Variants in MEGF11 observed in about 807,000 individuals in gnomAD.
The protein encoded by MEGF11 is multiple epidermal growth factor-like domains protein 11.
A neutral mutation model predicts 146.6 loss-of-function variants in MEGF11; 126 were observed. That is an observed-to-expected ratio of 0.86 (90% CI 0.74 to 1.00). MEGF11 has a LOEUF of 1.00. MEGF11 is among the 50% of genes least tolerant of loss of function. The probability of loss-of-function intolerance (pLI) is 0.00; values close to 1 mark genes in which losing one functional copy is unlikely to be tolerated. For missense variants in MEGF11, 1,509 were observed against 1,521.2 expected (o/e 0.99, Z 0.13); for synonymous variants, 532 against 583.4 (o/e 0.91, Z 1.27).
rs558938043 is a variant in MEGF11, at chr15:66,221,083, C to A, written c.-9+32522G>T. Among the ~76,000 whole-genome samples, 83 of 152,142 alleles carry A rather than the reference C, an allele frequency of 5.5e-4. 4 individuals are homozygous for A. In the South Asian group the frequency reaches 0.017, roughly 30 times the overall value. On this transcript the variant is annotated intron_variant, in intron 1 of 25. Coordinates refer to ENST00000395614, the MANE Select transcript of MEGF11 (RefSeq NM_001385028.1). Reference sequence around the variant, plus strand: ...CAAGAACTCTCTACTATTTTTGCAACTTCTATGTGAGTCTAAAATGATTTC... The same window carrying A: ...CAAGAACTCTCTACTATTTTTGCAAATTCTATGTGAGTCTAAAATGATTTC...
chr15:65,999,091 C>G (rs2082283260), intron 5 of MEGF11, among the ~76,000 whole-genome samples: 1 of 151,104 alleles, frequency 6.6e-6, no homozygotes, highest in Non-Finnish European at 1.5e-5. Context: ...GTTGCCTAGG[C>G]TGGCACACAG....
At chr15:65,929,210 G>A (rs2079483936) in intron 12 of MEGF11, among the ~76,000 whole-genome samples, 1 of 152,186 alleles carries the variant, frequency 6.6e-6, no homozygotes, top group Admixed American at 6.5e-5. Context: ...ATATCAGTGG[G>A]TTTAACTTAT....
chr15:66,126,240 C>A (rs2088337414), intron 2 of MEGF11, among the ~76,000 whole-genome samples: 2 of 152,198 alleles, frequency 1.3e-5, no homozygotes, highest in South Asian at 4.1e-4. Context: ...CAGGCTAGAT[C>A]CCTCCACATA....
chr15:66,012,437 G>T (rs918092720), intron 5 of MEGF11, among the ~76,000 whole-genome samples: 12 of 152,302 alleles, frequency 7.9e-5, no homozygotes, highest in African/African-American at 2.4e-4. Flanking sequence ...AGACCCCAAA[G>T]CTAGAGCCAA....
intron 4 of MEGF11, among the ~76,000 whole-genome samples, chr15:66,097,596 C>T (rs2086607772): frequency 6.6e-6 from 1 of 152,124 alleles, no homozygotes; most frequent in African/African-American, 2.4e-5. Flanking sequence ...GCTGGTTGGG[C>T]TCTGACAGCA....
intron 1 of MEGF11, among the ~76,000 whole-genome samples, chr15:66,192,536 C>G (rs900823423): frequency 1.5e-5 from 2 of 132,042 alleles, no homozygotes; most frequent in African/African-American, 5.3e-5. Flanking sequence ...AAAATAAAAT[C>G]ATCATAATGA....
intron 24 of MEGF11, among the ~76,000 whole-genome samples, chr15:65,902,817 G>A (rs1455667261): frequency 6.6e-6 from 1 of 152,130 alleles, no homozygotes; most frequent in African/African-American, 2.4e-5. Flanking sequence ...AGACAGAGGG[G>A]GCTTCTGAGA....
chr15:66,226,223 A>G (rs1246008930), intron 1 of MEGF11, among the ~76,000 whole-genome samples: 4 of 150,754 alleles, frequency 2.7e-5, no homozygotes, highest in African/African-American at 7.3e-5. Flanking sequence ...GTGGTATCTC[A>G]GTGCTTGTGT....
In MEGF11 at chr15:65,935,322, G is replaced by GAAAAAAAA. The variant is rs71139449; in HGVS notation, c.1288-4387_1288-4380dup. ...GTGACAGAGCGAGACTCCGTCTCAA[G>GAAAAAAAA]AAAAAAAAAAAAAAAAAAAAAAAAA... On this transcript the variant is annotated intron_variant, in intron 10 of 25. Transcript: ENST00000395614. Among the ~76,000 whole-genome samples, 18 of 35,206 alleles carry GAAAAAAAA rather than the reference G, an allele frequency of 5.1e-4. 2 individuals are homozygous for GAAAAAAAA. Among genetic ancestry groups the GAAAAAAAA allele is most frequent in the Admixed American group, 7.8e-4 (2 of 2,556 alleles). The allele number at this position is 35,206 out of a possible 152,430, so 23.1% of individuals were successfully genotyped here. A position where few individuals can be genotyped will look rare whatever the true frequency, so the allele number is the denominator to read the frequency against.
At chr15:66,115,356 C>G (rs967636261) in intron 4 of MEGF11, among the ~76,000 whole-genome samples, 6 of 152,210 alleles carry the variant, frequency 3.9e-5, no homozygotes, top group Non-Finnish European at 8.8e-5. Flanking sequence ...TCATTCTTCA[C>G]CCTCTCACTA....
chr15:66,093,890 G>A (rs1405473246), intron 5 of MEGF11, among the ~76,000 whole-genome samples: 3 of 152,154 alleles, frequency 2.0e-5, no homozygotes, highest in Non-Finnish European at 4.4e-5. Context: ...CCACAAAAAT[G>A]TAGGAACACA....
chr15:66,046,405 G>A (rs1342836508), intron 5 of MEGF11, among the ~76,000 whole-genome samples: 1 of 152,186 alleles, frequency 6.6e-6, no homozygotes, highest in Non-Finnish European at 1.5e-5. Flanking sequence ...TAGGTACCCA[G>A]GCTGCATGCA....
chr15:66,096,131 A>G (rs2086542954), intron 4 of MEGF11, among the ~76,000 whole-genome samples: 1 of 152,126 alleles, frequency 6.6e-6, no homozygotes, highest in African/African-American at 2.4e-5. Flanking sequence ...CCCTGGCCTC[A>G]GCTGCTCCCT....
At chr15:66,051,427 C>G (rs569568569) in intron 5 of MEGF11, among the ~76,000 whole-genome samples, 1 of 152,172 alleles carries the variant, frequency 6.6e-6, no homozygotes, top group Non-Finnish European at 1.5e-5. Context: ...TGGTCCACCC[C>G]AGACCTACCA....
chr15:66,100,009 G>A (rs1390982443), intron 4 of MEGF11, among the ~76,000 whole-genome samples: 5 of 152,194 alleles, frequency 3.3e-5, no homozygotes, highest in Admixed American at 1.3e-4. Flanking sequence ...GAAGAGGAGC[G>A]TGGAATGAAA....
chr15:66,034,595 T>C (rs2083655387), intron 5 of MEGF11, among the ~76,000 whole-genome samples: 1 of 152,058 alleles, frequency 6.6e-6, no homozygotes, highest in African/African-American at 2.4e-5. Context: ...AATTTTTGTA[T>C]TTTTTGTAGA....
intron 5 of MEGF11, among the ~76,000 whole-genome samples, chr15:66,064,845 A>T (rs1038232647): frequency 6.6e-6 from 1 of 151,934 alleles, no homozygotes; most frequent in Non-Finnish European, 1.5e-5. Context: ...GATGATTTTT[A>T]TATGGTTTTT....
chr15:66,247,978 G>A (rs1306633371), intron 1 of MEGF11, among the ~76,000 whole-genome samples: 5 of 144,868 alleles, frequency 3.5e-5, no homozygotes, highest in African/African-American at 1.4e-4. Context: ...GTGAAACTCC[G>A]TCTCCAAAAA....
intron 10 of MEGF11, among the ~76,000 whole-genome samples, chr15:65,946,179 A>G (rs905015519): frequency 2.0e-5 from 3 of 152,172 alleles, no homozygotes; most frequent in African/African-American, 7.2e-5. Context: ...AGAGGCTATG[A>G]TTTACCTACT....
Sources: allele counts gnomAD v4.1 joint callset (sites outside exome capture counted in the v4.1 genomes callset), GRCh38; gene constraint gnomAD v4.1.1; transcripts MANE v1.5; gene names NCBI Gene and HGNC (gene_info 2026-07-23, HGNC 2026-07-21).